The following XPOT variants were observed in gnomAD, a reference collection of about 807,000 sequenced individuals.
XPOT encodes the protein exportin-T.
A neutral mutation model predicts 128.2 loss-of-function variants in XPOT; 34 were observed. That is an observed-to-expected ratio of 0.27 (90% CI 0.20 to 0.35). XPOT has a LOEUF of 0.35. Ranked by LOEUF, XPOT falls within the 10% of genes least tolerant of loss-of-function variation. The probability of loss-of-function intolerance (pLI) is 1.00; values close to 1 mark genes in which losing one functional copy is unlikely to be tolerated. For synonymous variants in XPOT, 348 were observed against 394.3 expected, an observed-to-expected ratio of 0.88 and a Z score of 1.39; for missense variants, 838 against 1,125.3, an observed-to-expected ratio of 0.74 and a Z score of 3.65.
At chr12:64,442,841 T>G (rs1404701875) in intron 23 of XPOT, 1 of 158,998 alleles carries the variant, frequency 6.3e-6, no homozygotes, top group East Asian at 1.9e-4. Flanking sequence ...TCCAAGGGTT[T>G]TTTGTTTGTT....
chr12:64,441,626 G>C (rs1370917111), intron 23 of XPOT, among the ~76,000 whole-genome samples: 1 of 152,018 alleles, frequency 6.6e-6, no homozygotes, highest in African/African-American at 2.4e-5. Context: ...CCTTGAATCT[G>C]TACGTCACTT....
intron 16 of XPOT, among the ~76,000 whole-genome samples, chr12:64,428,339 T>C (rs2040210214): frequency 6.6e-6 from 1 of 152,192 alleles, no homozygotes; most frequent in South Asian, 2.1e-4. Flanking sequence ...ATGGGGTATA[T>C]TGTTAAAATG....
chr12:64,430,177 T>C lies in XPOT; in HGVS notation c.1866T>C (p.Thr622=), dbSNP rs1474292093. The change falls in exon 17 of 25, where the codon ACT becomes ACC. Residue 622 remains threonine, a synonymous_variant. Transcript: ENST00000332707. The part of the protein sequence containing the change: ...RKQALMRNLL[T]PLMEKFKILL... ...AAGCCTTAATGAGGAATCTGTTGAC[T>C]CCACTAATGGAGAAGTTTAAAATTC... The C allele has an allele frequency of 1.2e-6, 2 of 1,613,414 alleles. No individual in the cohort carries two copies. The highest frequency in any genetic ancestry group is 1.3e-5 in the African/African-American group (1 of 74,882).
chr12:64,433,998 T>C (rs2040260763), intron 19 of XPOT, among the ~76,000 whole-genome samples: 1 of 152,106 alleles, frequency 6.6e-6, no homozygotes, highest in African/African-American at 2.4e-5. Flanking sequence ...CAAACTGATT[T>C]TTCATTGTTT....
rs751076808 is a variant in XPOT at position 64,420,345 on chromosome 12, A to C, written c.675-8A>C. 2.3e-4 allele frequency: 367 copies of C among 1,609,278 alleles called. No homozygotes were observed. The highest frequency in any genetic ancestry group is 2.9e-4 in the Non-Finnish European group (339 of 1,178,448). On this transcript the variant is annotated splice_region_variant and splice_polypyrimidine_tract_variant and intron_variant, in intron 7 of 24. Transcript: ENST00000332707. ...GAAAATGTTACAATTTTATTGTCCC[A>C]TTACCAGGTTTATAAATATGCTGCT...
At position 64,445,340 on chromosome 12, in the gene XPOT, A is replaced by G. The variant is rs116382518; in HGVS notation, c.2862+209A>G. On this transcript the variant is annotated intron_variant, in intron 24 of 24. Coordinates refer to ENST00000332707, the MANE Select transcript of XPOT (RefSeq NM_007235.6). ...GCCAGTTTTCTTTTACAGTTTCATG[A>G]TGTAATTAAATAGAAACTAGAGGGA... is the stretch of plus-strand genomic sequence containing the variant. 4.1e-3 allele frequency among the ~76,000 whole-genome samples: 630 copies of G among 152,316 alleles called. 9 individuals carry two copies. The highest frequency in any genetic ancestry group is 0.015 in the African/African-American group (610 of 41,560).
chr12:64,412,876 C>T (rs1324065686), intron 2 of XPOT, among the ~76,000 whole-genome samples: 1 of 152,150 alleles, frequency 6.6e-6, no homozygotes, highest in African/African-American at 2.4e-5. Flanking sequence ...AAGGATCCAC[C>T]TCATGAGCAG....
rs1211991229 is a variant in XPOT, at chr12:64,443,559, A to G, written c.2806-1516A>G. On this transcript the variant is annotated intron_variant, in intron 23 of 24. Coordinates refer to ENST00000332707, the MANE Select transcript of XPOT (RefSeq NM_007235.6). ...AACCTCTGCCTCCCGGGTTTAAGCAATTCTTCCACCTCAACCTCCCAAGTA... is the reference window on the plus strand; with the variant it reads ...AACCTCTGCCTCCCGGGTTTAAGCAGTTCTTCCACCTCAACCTCCCAAGTA... 3.9e-5 allele frequency among the ~76,000 whole-genome samples: 6 copies of G among 152,108 alleles called. No individual in the cohort carries two copies. In the East Asian group the frequency reaches 5.8e-4, roughly 15 times the overall value.
intron 24 of XPOT, among the ~76,000 whole-genome samples, chr12:64,446,441 C>G (rs2040367892): frequency 6.6e-6 from 1 of 152,124 alleles, no homozygotes; most frequent in Non-Finnish European, 1.5e-5. Context: ...CAGATTCTTT[C>G]CTCATCTTCT....
intron 16 of XPOT, among the ~76,000 whole-genome samples, 156 bp downstream of exon 16, chr12:64,428,276 A>G (rs1565800179): frequency 6.6e-6 from 1 of 152,206 alleles, no homozygotes; most frequent in East Asian, 1.9e-4. Context: ...CTGTTGACAT[A>G]GTAAACAAAA....
At chr12:64,434,765 T>C (rs781264062) in intron 20 of XPOT, 29 bp from the exon 21 acceptor site, 1 of 1,599,474 alleles carries the variant, frequency 6.3e-7, no homozygotes. Flanking sequence ...CTTTTATATA[T>C]AAGATGAAAA....
chr12:64,422,550 G>T (rs2040148241), intron 9 of XPOT, among the ~76,000 whole-genome samples: 1 of 152,104 alleles, frequency 6.6e-6, no homozygotes, highest in Admixed American at 6.6e-5. Context: ...TTAAATATAG[G>T]CAGCTGCTGC....
Position 64,448,160 on chromosome 12 carries a change from G to A in XPOT, c.*29G>A. On this transcript the variant is annotated 3_prime_UTR_variant, in exon 25 of 25. Coordinates refer to ENST00000332707, the MANE Select transcript of XPOT (RefSeq NM_007235.6). The stretch of plus-strand genomic sequence containing the variant: ...CTGGATTTCCCTGTGCCTACTTCAT[G>A]ATCATGAATTCCAGTTAATTTATAA... 4 of 1,611,932 alleles carry A rather than the reference G, an allele frequency of 2.5e-6. No individual in the cohort carries two copies. Among genetic ancestry groups the A allele is most frequent in the Non-Finnish European group, 3.4e-6 (4 of 1,178,144 alleles).
Position 64,419,082 on chromosome 12 carries a change from G to A in XPOT, c.477G>A (p.Val159=), listed in dbSNP as rs1178700657. 6.2e-7 allele frequency: 1 copy of A among 1,613,558 alleles called. No homozygotes were observed. Among genetic ancestry groups the A allele is most frequent in the Non-Finnish European group, 8.5e-7 (1 of 1,179,632 alleles). Residue 159 remains valine (V), a synonymous_variant, in exon 6 of 25, where the codon GTG becomes GTA. Transcript: ENST00000332707. ...CAGAGTTGGTGGATCGTGATGTGGT[G>A]CATACATCAGAGGCAAGTAACTAAC... is the stretch of plus-strand genomic sequence containing the variant. ...IDSELVDRDV[V]HTSEEARRNT...
intron 22 of XPOT, 41 bp downstream of exon 22, chr12:64,435,715 TGTG>T: frequency 6.5e-7 from 1 of 1,550,302 alleles, no homozygotes; most frequent in African/African-American, 1.4e-5. Flanking sequence ...TCATCTCACA[TGTG>T]GTATTATTAT....
intron 9 of XPOT, among the ~76,000 whole-genome samples, chr12:64,421,704 G>GTT (rs200198324): frequency 1.4e-5 from 2 of 146,406 alleles, no homozygotes; most frequent in Non-Finnish European, 3.0e-5. Context: ...ATAGGTTTAG[G>GTT]TTTTTTTTTT....
At chr12:64,429,565 C>G (rs1297135126) in intron 16 of XPOT, among the ~76,000 whole-genome samples, 1 of 151,904 alleles carries the variant, frequency 6.6e-6, no homozygotes, top group Non-Finnish European at 1.5e-5. Flanking sequence ...GCCTCAGCCT[C>G]CCGCGTAGCT....
chr12:64,410,681 T>C (rs2040029921), intron 2 of XPOT, among the ~76,000 whole-genome samples: 1 of 152,202 alleles, frequency 6.6e-6, no homozygotes, highest in East Asian at 1.9e-4. Context: ...TAAGCAGTTA[T>C]GATAGGTTAT....
Position 64,430,230 on chromosome 12 carries a change from A to G in XPOT, c.1919A>G (p.Asp640Gly), listed in dbSNP as rs143814827. 3.2e-5 allele frequency: 52 copies of G among 1,612,624 alleles called. No individual in the cohort carries two copies. In the African/African-American group the frequency reaches 6.5e-4, roughly 20 times the overall value. Residue 640 changes from aspartate (D) to glycine (G), a missense_variant, in exon 17 of 25, where the codon GAT (aspartate) becomes GGT (glycine). Physicochemically the swap from Asp to Gly is moderately conservative, Grantham distance 94. This residue lies in a region of XPOT where 761 missense variants were observed against 988.3 expected (regional missense o/e 0.77). Coordinates refer to ENST00000332707, the MANE Select transcript of XPOT (RefSeq NM_007235.6). ...TTAGAAAAGTTGATGCTGGCACAAG[A>G]TGAAGAAAGGCAAGCCTCTCTAGCA... ...ILLEKLMLAQDEERQASLADC... is the reference protein window; with the variant it reads ...ILLEKLMLAQGEERQASLADC...
Sources: gnomAD v4.1 joint callset for allele counts (sites outside exome capture counted in the v4.1 genomes callset) on GRCh38, gnomAD v4.1.1 for gene constraint, gnomAD v4.1.1 regional missense constraint, MANE v1.5 for transcripts, NCBI Gene and HGNC (gene_info 2026-07-23, HGNC 2026-07-21) for gene names.